SH3PXD2A: variants seen among roughly 807,000 people sequenced by gnomAD.
SH3PXD2A encodes SH3 and PX domain-containing protein 2A.
Under a neutral mutation model 115.2 loss-of-function variants are expected in SH3PXD2A, and 32 were observed. The observed-to-expected ratio is 0.28, with a 90% CI of 0.21 to 0.37. The LOEUF (loss-of-function observed/expected upper bound fraction) is 0.37, where lower values mean the gene tolerates loss of function less well. Among genes scored for constraint, SH3PXD2A ranks in the 10% least tolerant of loss-of-function variants. SH3PXD2A has a pLI of 1.00. For missense variants in SH3PXD2A, 1,328 were observed against 1,498.7 expected, an observed-to-expected ratio of 0.89 and a Z score of 1.88; for synonymous variants, 610 against 629.1, an observed-to-expected ratio of 0.97 and a Z score of 0.45.
intron 3 of SH3PXD2A, among the ~76,000 whole-genome samples, chr10:103,764,430 A>C (rs1376039326): frequency 6.6e-6 from 1 of 152,210 alleles, no homozygotes; most frequent in East Asian, 1.9e-4. Context: ...GCAAGAAAAG[A>C]AGCCAAACCA....
chr10:103,820,928 T>C (rs2039373254), intron 1 of SH3PXD2A, among the ~76,000 whole-genome samples: 1 of 152,140 alleles, frequency 6.6e-6, no homozygotes, highest in Admixed American at 6.5e-5. Flanking sequence ...CCAAAACCAA[T>C]TCAGGGATTC....
intron 6 of SH3PXD2A, among the ~76,000 whole-genome samples, chr10:103,682,184 C>T (rs2037618368): frequency 6.6e-6 from 1 of 152,168 alleles, no homozygotes; most frequent in Non-Finnish European, 1.5e-5. Flanking sequence ...TTCCAGGATC[C>T]GGGGAGCGCT....
chr10:103,759,028 A>T (rs908229138), intron 3 of SH3PXD2A, among the ~76,000 whole-genome samples: 1 of 152,114 alleles, frequency 6.6e-6, no homozygotes, highest in African/African-American at 2.4e-5. Context: ...TGCCTGGTGG[A>T]GACACACACA....
intron 2 of SH3PXD2A, among the ~76,000 whole-genome samples, chr10:103,787,653 G>A (rs964215672): frequency 3.3e-5 from 5 of 152,206 alleles, no homozygotes; most frequent in South Asian, 2.1e-4. Flanking sequence ...GGCTGCCCTC[G>A]GGAGGTGCTG....
chr10:103,810,916 ACACG>A (rs2039261556), intron 1 of SH3PXD2A, among the ~76,000 whole-genome samples: 3 of 52,436 alleles, frequency 5.7e-5, no homozygotes, highest in Admixed American at 2.7e-4. Flanking sequence ...GGACACACAC[ACACG>A]GAGACACACA....
At chr10:103,711,536 C>T (rs1358788762) in intron 5 of SH3PXD2A, among the ~76,000 whole-genome samples, 1 of 152,206 alleles carries the variant, frequency 6.6e-6, no homozygotes, top group Non-Finnish European at 1.5e-5. Flanking sequence ...TAGTCCACCT[C>T]AGAGCTGCAC....
At position 103,784,767 on chromosome 10, in the gene SH3PXD2A, G is replaced by A. The variant is rs1016030181; in HGVS notation, c.153+16515C>T. On this transcript the variant is annotated intron_variant, in intron 2 of 14. Transcript: ENST00000369774. The surrounding 1 kb of genome is among the most constrained non-coding windows in gnomAD (Gnocchi z 4.4). ...GAGGAGGAGGAGAAGTAAGAAGGAG[G>A]AAGGAAGGGGAGAAGGGGGAAAAGG... is the stretch of plus-strand genomic sequence containing the variant. Among the ~76,000 whole-genome samples the A allele has an allele frequency of 2.0e-5, 3 of 151,056 alleles. No homozygotes were observed. The highest frequency in any genetic ancestry group is 4.4e-5 in the Non-Finnish European group (3 of 67,772).
chr10:103,606,032 G>A (rs2036294928), intron 13 of SH3PXD2A, 115 bp from the exon 14 acceptor site: 1 of 1,047,440 alleles, frequency 9.5e-7, no homozygotes, highest in South Asian at 1.5e-5. Flanking sequence ...TACACCAGCT[G>A]GACAGCAGCT....
chr10:103,768,227 C>T lies in SH3PXD2A; in HGVS notation c.154-1058G>A, dbSNP rs2038780068. On this transcript the variant is annotated intron_variant, in intron 2 of 14. Transcript: ENST00000369774. The stretch of plus-strand genomic sequence containing the variant: ...AGCAAACAAGTAAGAATGTCATGTG[C>T]CAGGGAAGATCAGATCAGTGCTGCG... Among the ~76,000 whole-genome samples, 5 of 152,150 alleles carry T rather than the reference C, an allele frequency of 3.3e-5. No individual in the cohort carries two copies. In the South Asian group the frequency reaches 1.0e-3, roughly 32 times the overall value.
chr10:103,816,797 T>C (rs10736162), intron 1 of SH3PXD2A, among the ~76,000 whole-genome samples: 83,978 of 152,014 alleles, frequency 0.55, 24,739 homozygotes, highest in South Asian at 0.7. Context: ...GTCCACTACA[T>C]GAGGAATGAA....
chr10:103,819,360 G>A (rs1412800573), intron 1 of SH3PXD2A, among the ~76,000 whole-genome samples: 2 of 152,166 alleles, frequency 1.3e-5, no homozygotes, highest in Non-Finnish European at 2.9e-5. Context: ...TGGGTGAAGA[G>A]GTGAGGGTTG....
chr10:103,614,653 G>A (rs941853880), intron 11 of SH3PXD2A, among the ~76,000 whole-genome samples: 1 of 151,924 alleles, frequency 6.6e-6, no homozygotes, highest in Non-Finnish European at 1.5e-5. Context: ...TCCAGTAGTC[G>A]CTGGCCAGTG....
intron 1 of SH3PXD2A, among the ~76,000 whole-genome samples, chr10:103,841,741 G>C (rs1313818782): frequency 6.6e-6 from 1 of 152,064 alleles, no homozygotes; most frequent in Non-Finnish European, 1.5e-5. Context: ...CTTTCCCCCA[G>C]ATAGCCACAG....
chr10:103,788,599 G>A (rs2039002400), intron 2 of SH3PXD2A, among the ~76,000 whole-genome samples: 1 of 152,038 alleles, frequency 6.6e-6, no homozygotes, highest in South Asian at 2.1e-4. Flanking sequence ...GGGTGCGGTG[G>A]CTCACGCCTG....
intron 1 of SH3PXD2A, among the ~76,000 whole-genome samples, chr10:103,820,469 A>T (rs2134289195): frequency 6.6e-6 from 1 of 152,276 alleles, no homozygotes; most frequent in East Asian, 1.9e-4. Context: ...CCGGTTCCTC[A>T]TCAGGCTGAG....
At chr10:103,780,275 C>T (rs1441317763) in intron 2 of SH3PXD2A, among the ~76,000 whole-genome samples, 1 of 152,268 alleles carries the variant, frequency 6.6e-6, no homozygotes, top group Non-Finnish European at 1.5e-5. Context: ...GACAGTCTAA[C>T]ATCCTTGCCT....
At chr10:103,850,373 T>C (rs1842885932) in intron 1 of SH3PXD2A, among the ~76,000 whole-genome samples, 1 of 152,140 alleles carries the variant, frequency 6.6e-6, no homozygotes, top group African/African-American at 2.4e-5. Context: ...GTGTGGTTGG[T>C]TGTTCCATGA....
chr10:103,803,794 G>T (rs534271829), intron 1 of SH3PXD2A, among the ~76,000 whole-genome samples: 2 of 152,350 alleles, frequency 1.3e-5, no homozygotes, highest in South Asian at 4.1e-4. Flanking sequence ...GGACACACCT[G>T]CGACACAGCT....
chr10:103,653,998 C>G (rs540106543), intron 8 of SH3PXD2A, among the ~76,000 whole-genome samples: 2 of 151,900 alleles, frequency 1.3e-5, no homozygotes, highest in Admixed American at 1.3e-4. Context: ...AGCCCCACCA[C>G]GCCCTGTACT....
Sources: allele counts gnomAD v4.1 joint callset (sites outside exome capture counted in the v4.1 genomes callset), GRCh38; gene constraint gnomAD v4.1.1; non-coding constraint Gnocchi (gnomAD v3.1); transcripts MANE v1.5; gene names NCBI Gene and HGNC (gene_info 2026-07-23, HGNC 2026-07-21).